The following KCNIP4 variants were observed in gnomAD, a reference collection of about 807,000 sequenced individuals.
The protein encoded by KCNIP4 is potassium voltage-gated channel interacting protein 4, also known as Kv channel-interacting protein 4.
A neutral mutation model predicts 34.0 loss-of-function variants in KCNIP4; 12 were observed. The ratio of observed to expected loss-of-function variants is 0.35; its 90% CI spans 0.23 to 0.57. The LOEUF (loss-of-function observed/expected upper bound fraction) is 0.57, where lower values mean the gene tolerates loss of function less well. Among genes scored for constraint, KCNIP4 ranks in the 20% least tolerant of loss-of-function variants. The pLI is 0.83. For synonymous variants in KCNIP4, 124 were observed against 102.2 expected (o/e 1.21, Z -1.29); for missense variants, 238 against 311.7 (o/e 0.76, Z 1.78).
intron 2 of KCNIP4, among the ~76,000 whole-genome samples, chr4:20,860,321 A>G (rs1040876050): frequency 1.9e-4 from 29 of 152,160 alleles, no homozygotes; most frequent in African/African-American, 6.0e-4. Context: ...TGTATTTAGT[A>G]GAGAGGGGGT....
At chr4:21,650,082 T>C (rs767744978) in intron 1 of KCNIP4, among the ~76,000 whole-genome samples, 6 of 152,168 alleles carry the variant, frequency 3.9e-5, no homozygotes, top group East Asian at 1.9e-4. Flanking sequence ...AAGACTAAAA[T>C]AGATTGCTAG....
chr4:21,504,113 C>T (rs1240568964), intron 1 of KCNIP4, among the ~76,000 whole-genome samples: 1 of 151,972 alleles, frequency 6.6e-6, no homozygotes, highest in Non-Finnish European at 1.5e-5. Flanking sequence ...CAATTTAATC[C>T]ACCCATCATC....
chr4:21,419,140 A>G (rs1725227147), intron 1 of KCNIP4, among the ~76,000 whole-genome samples: 1 of 152,132 alleles, frequency 6.6e-6, no homozygotes, highest in African/African-American at 2.4e-5. Context: ...CTGCCATATT[A>G]TATTTTCCTG....
intron 2 of KCNIP4, among the ~76,000 whole-genome samples, chr4:20,872,374 A>G (rs1723571639): frequency 1.3e-5 from 2 of 152,184 alleles, no homozygotes; most frequent in Non-Finnish European, 2.9e-5. Context: ...CAATATTACC[A>G]TCAAGAATTG....
chr4:21,720,916 CATG>C (rs1050058490), intron 1 of KCNIP4, among the ~76,000 whole-genome samples: 1 of 152,038 alleles, frequency 6.6e-6, no homozygotes, highest in African/African-American at 2.4e-5. Context: ...TCCAGTCTAT[CATG>C]ATGGACATTT....
At chr4:21,500,910 A>G (rs1215165553) in intron 1 of KCNIP4, among the ~76,000 whole-genome samples, 1 of 152,118 alleles carries the variant, frequency 6.6e-6, no homozygotes, top group Non-Finnish European at 1.5e-5. Context: ...AACGTGCACT[A>G]TGATGTACAT....
chr4:20,730,042 G>C lies in KCNIP4; in HGVS notation c.*40C>G, dbSNP rs758991826. On this transcript the variant is annotated 3_prime_UTR_variant, in exon 9 of 9. Transcript: ENST00000382152. The stretch of plus-strand genomic sequence containing the variant: ...CTCCAACTTTAAGGGTGGTAGAATA[G>C]TTCACATTTGTCTGTTGGATTCAGG... 1.2e-5 allele frequency: 19 copies of C among 1,591,278 alleles called. No homozygotes were observed. Among genetic ancestry groups the C allele is most frequent in the Non-Finnish European group, 1.6e-5 (19 of 1,171,004 alleles).
rs192623281 is a variant in KCNIP4, at chr4:21,202,279, C to T, written c.62-319570G>A. Among the ~76,000 whole-genome samples the T allele has an allele frequency of 2.0e-5, 3 of 152,292 alleles. No individual in the cohort carries two copies. The East Asian group carries it at 5.8e-4, about 29-fold the overall frequency. ...AAGAGCAAAATCTTGTCCTTTGCAG[C>T]AACATGGATGCAGCTGGAGGCTATT... On this transcript the variant is annotated intron_variant, in intron 1 of 8. Coordinates refer to ENST00000382152, the MANE Select transcript of KCNIP4 (RefSeq NM_025221.6).
chr4:21,641,817 C>T (rs80289734), intron 1 of KCNIP4, among the ~76,000 whole-genome samples: 3,285 of 152,206 alleles, frequency 0.022, 44 homozygotes, highest in Non-Finnish European at 0.032. Context: ...CTCAGAAACA[C>T]GAACTTCCCT....
At chr4:20,988,437 T>C (rs1736789060) in intron 1 of KCNIP4, among the ~76,000 whole-genome samples, 1 of 152,230 alleles carries the variant, frequency 6.6e-6, no homozygotes, top group African/African-American at 2.4e-5. Flanking sequence ...TCAAATGGGA[T>C]GATTTATCTA....
chr4:21,791,691 T>C (rs2109234308), intron 1 of KCNIP4, among the ~76,000 whole-genome samples: 1 of 152,162 alleles, frequency 6.6e-6, no homozygotes, highest in African/African-American at 2.4e-5. Context: ...ACTTAGTATT[T>C]CCATTCCTCA....
At chr4:20,870,092 T>C (rs1172788553) in intron 2 of KCNIP4, among the ~76,000 whole-genome samples, 1 of 152,126 alleles carries the variant, frequency 6.6e-6, no homozygotes, top group Non-Finnish European at 1.5e-5. Context: ...ATGGGTACAT[T>C]GAGGTACAGA....
chr4:21,912,041 G>A (rs984178146), intron 1 of KCNIP4, among the ~76,000 whole-genome samples: 1 of 151,910 alleles, frequency 6.6e-6, no homozygotes, highest in African/African-American at 2.4e-5. Flanking sequence ...TCAGGCAATT[G>A]CCTTGTGCTA....
chr4:21,417,407 A>G (rs1231129889), intron 1 of KCNIP4, among the ~76,000 whole-genome samples: 2 of 152,114 alleles, frequency 1.3e-5, no homozygotes, highest in African/African-American at 4.8e-5. Context: ...TAAAAAATAA[A>G]AAATAAAAAA....
At chr4:21,048,386 C>G (rs1433449476) in intron 1 of KCNIP4, among the ~76,000 whole-genome samples, 2 of 152,238 alleles carry the variant, frequency 1.3e-5, no homozygotes, top group Non-Finnish European at 2.9e-5. Flanking sequence ...GTTCACCAGT[C>G]AACTGACCAG....
intron 1 of KCNIP4, among the ~76,000 whole-genome samples, chr4:21,149,711 G>C (rs888969424): frequency 6.6e-6 from 1 of 152,110 alleles, no homozygotes; most frequent in African/African-American, 2.4e-5. Flanking sequence ...CTAACTTTTA[G>C]TCCAGAGGCA....
At chr4:21,374,467 T>C (rs953473997) in intron 1 of KCNIP4, among the ~76,000 whole-genome samples, 7 of 147,020 alleles carry the variant, frequency 4.8e-5, no homozygotes, top group Non-Finnish European at 1.0e-4. Context: ...TTCAGTTATC[T>C]TCCACCAGGT....
intron 3 of KCNIP4, among the ~76,000 whole-genome samples, chr4:20,783,808 C>A (rs1249783049): frequency 6.6e-6 from 1 of 152,048 alleles, no homozygotes; most frequent in Non-Finnish European, 1.5e-5. Context: ...AATTCAGATA[C>A]CTCTTAATTT....
Position 21,396,487 on chromosome 4 carries a change from C to T in KCNIP4, c.62-513778G>A, listed in dbSNP as rs1054707600. Among the ~76,000 whole-genome samples the T allele has an allele frequency of 3.1e-5, 4 of 129,150 alleles. No homozygotes were observed. The East Asian group carries it at 7.0e-4, about 23-fold the overall frequency. The allele number at this position is 129,150 out of a possible 152,430, so 84.7% of individuals were successfully genotyped here. ...AGGAGAGTTGCCTGAACCCGGGAGG[C>T]GGAGGTTGCAGTGAGCTGAGATCTA... On this transcript the variant is annotated intron_variant, in intron 1 of 8. Transcript: ENST00000382152.
Sources: gnomAD v4.1 joint callset for allele counts (sites outside exome capture counted in the v4.1 genomes callset) on GRCh38, gnomAD v4.1.1 for gene constraint, MANE v1.5 for transcripts, NCBI Gene and HGNC (gene_info 2026-07-23, HGNC 2026-07-21) for gene names.